The following NARS2 variants were observed in gnomAD, a reference collection of about 807,000 sequenced individuals.
NARS2 encodes the protein asparaginyl-tRNA synthetase 2, mitochondrial.
A neutral mutation model predicts 62.9 loss-of-function variants in NARS2; 60 were observed. The observed-to-expected ratio is 0.95, with a 90% CI of 0.77 to 1.18. The LOEUF is 1.18. NARS2 is among the 50% of genes most tolerant of loss of function. The pLI is 0.00. For missense variants in NARS2, 619 were observed against 576.4 expected (o/e 1.07, Z -0.76); for synonymous variants, 196 against 200.0 (o/e 0.98, Z 0.17).
intron 5 of NARS2, among the ~76,000 whole-genome samples, chr11:78,532,914 T>G (rs1229937277): frequency 6.6e-6 from 1 of 152,240 alleles, no homozygotes. Context: ...TCTTTGCTTC[T>G]ACTTATATAA....
At chr11:78,452,911 A>T (rs1474085697) in intron 11 of NARS2, among the ~76,000 whole-genome samples, 2 of 152,204 alleles carry the variant, frequency 1.3e-5, no homozygotes, top group East Asian at 3.8e-4. Flanking sequence ...GGAAGGTAGG[A>T]CCAGAAGATA....
chr11:78,511,378 C>A (rs10899537), intron 6 of NARS2, among the ~76,000 whole-genome samples: 27 of 152,140 alleles, frequency 1.8e-4, no homozygotes, highest in African/African-American at 6.5e-4. Flanking sequence ...GTCACCCAGC[C>A]TAATTCTATA....
chr11:78,544,338 T>C lies in NARS2; in HGVS notation c.594+15201A>G, dbSNP rs112067311. ...GGTTGTCATAACTGGGGAGAGCTACTGAAATTTAGTGGGTACTACCCCAAG... is the reference window on the plus strand; with the variant it reads ...GGTTGTCATAACTGGGGAGAGCTACCGAAATTTAGTGGGTACTACCCCAAG... On this transcript the variant is annotated intron_variant, in intron 5 of 13. Transcript: ENST00000281038. 2.4e-3 allele frequency among the ~76,000 whole-genome samples: 364 copies of C among 152,344 alleles called. 1 individual carries two copies. The highest frequency in any genetic ancestry group is 8.1e-3 in the African/African-American group (336 of 41,584).
chr11:78,531,418 G>C (rs1215341366), intron 5 of NARS2, among the ~76,000 whole-genome samples: 2 of 152,092 alleles, frequency 1.3e-5, no homozygotes, highest in Non-Finnish European at 2.9e-5. Flanking sequence ...TGTACAATAA[G>C]GGGTTGCGGT....
At chr11:78,436,958 C>T (rs1857429547) in intron 13 of NARS2, 144 bp from the exon 14 acceptor site, 1 of 767,824 alleles carries the variant, frequency 1.3e-6, no homozygotes, top group Admixed American at 2.8e-5. Context: ...CCTCCACAGA[C>T]AGACAATGGA....
intron 5 of NARS2, among the ~76,000 whole-genome samples, chr11:78,543,449 TTTC>T (rs1481994326): frequency 6.6e-6 from 1 of 152,186 alleles, no homozygotes; most frequent in African/African-American, 2.4e-5. Flanking sequence ...AAGCTGACAT[TTTC>T]TTTTCATTTA....
Position 78,450,666 on chromosome 11 carries a change from C to CTTT in NARS2, c.1165-6911_1165-6909dup, listed in dbSNP as rs781420225. Among the ~76,000 whole-genome samples, 651 of 101,548 alleles carry CTTT rather than the reference C, an allele frequency of 6.4e-3. 31 individuals carry two copies. The highest frequency in any genetic ancestry group is 0.024 in the African/African-American group (609 of 25,830). The allele number at this position is 101,548 out of a possible 152,430, so 66.6% of individuals were successfully genotyped here. ...GAAGAAAAGCCCACAAAAGCCTTGT[C>CTTT]TTTTTTTTTTTTTTTTTTTTTTTCC... On this transcript the variant is annotated intron_variant, in intron 11 of 13. Transcript: ENST00000281038.
intron 5 of NARS2, among the ~76,000 whole-genome samples, chr11:78,551,729 T>TACA (rs1272434407): frequency 1.3e-5 from 2 of 152,096 alleles, no homozygotes; most frequent in Non-Finnish European, 2.9e-5. Context: ...CAGGCGCCTG[T>TACA]AATCCCAGCT....
intron 6 of NARS2, among the ~76,000 whole-genome samples, chr11:78,524,696 A>G (rs1861236649): frequency 6.6e-6 from 1 of 152,146 alleles, no homozygotes; most frequent in Non-Finnish European, 1.5e-5. Context: ...TAAAAAAAAA[A>G]ACTCTGTCTA....
chr11:78,505,325 T>C (rs111318424), intron 6 of NARS2, among the ~76,000 whole-genome samples: 242 of 127,086 alleles, frequency 1.9e-3, no homozygotes, highest in African/African-American at 5.4e-3. Flanking sequence ...CACACACACA[T>C]ACGTATGTAT....
At chr11:78,574,265 C>A in intron 1 of NARS2, 83 bp downstream of exon 1, 1 of 1,570,898 alleles carries the variant, frequency 6.4e-7, no homozygotes, top group South Asian at 1.1e-5. Flanking sequence ...GTGTCTGACC[C>A]GACTGTAAAA....
intron 9 of NARS2, among the ~76,000 whole-genome samples, chr11:78,470,105 C>A (rs1033559808): frequency 2.0e-5 from 3 of 152,008 alleles, no homozygotes; most frequent in Admixed American, 6.6e-5. Flanking sequence ...GAAGAATGCA[C>A]AGGAAATTAC....
intron 9 of NARS2, 82 bp downstream of exon 9, chr11:78,478,356 G>C (rs376725805): frequency 1.9e-5 from 10 of 537,336 alleles, no homozygotes; most frequent in Non-Finnish European, 2.9e-5. Flanking sequence ...TATATAAGCA[G>C]ATATAAATTT....
chr11:78,469,701 C>A (rs1858783369), intron 9 of NARS2, among the ~76,000 whole-genome samples: 1 of 152,112 alleles, frequency 6.6e-6, no homozygotes, highest in African/African-American at 2.4e-5. Context: ...CAATTCTAGG[C>A]ACTGGAGATA....
At chr11:78,560,398 A>T (rs1455338143) in intron 4 of NARS2, among the ~76,000 whole-genome samples, 2 of 152,226 alleles carry the variant, frequency 1.3e-5, no homozygotes, top group East Asian at 3.8e-4. Flanking sequence ...AGCAACTTCA[A>T]GGTTATGCTT....
chr11:78,467,567 A>AAATTAATT (rs1190417130), intron 10 of NARS2, among the ~76,000 whole-genome samples: 1 of 133,508 alleles, frequency 7.5e-6, no homozygotes, highest in Non-Finnish European at 1.7e-5. Flanking sequence ...ATAAATAAAT[A>AAATTAATT]AATTAATTAA....
intron 7 of NARS2, 50 bp downstream of exon 7, chr11:78,493,013 A>G: frequency 1.4e-6 from 2 of 1,456,066 alleles, no homozygotes; most frequent in Non-Finnish European, 1.8e-6. Flanking sequence ...ATATATACAG[A>G]AACATTTTAA....
intron 5 of NARS2, among the ~76,000 whole-genome samples, chr11:78,532,476 G>C (rs904732165): frequency 2.0e-5 from 3 of 152,092 alleles, no homozygotes; most frequent in Non-Finnish European, 2.9e-5. Flanking sequence ...AAGATATACA[G>C]AAATGAAGAC....
At chr11:78,497,431 T>C (rs1387836262) in intron 6 of NARS2, among the ~76,000 whole-genome samples, 1 of 152,054 alleles carries the variant, frequency 6.6e-6, no homozygotes, top group African/African-American at 2.4e-5. Context: ...TGCTATTCTT[T>C]AGTTTGGGAA....
Sources: gnomAD v4.1 joint callset for allele counts (sites outside exome capture counted in the v4.1 genomes callset) on GRCh38, gnomAD v4.1.1 for gene constraint, MANE v1.5 for transcripts, NCBI Gene and HGNC (gene_info 2026-07-23, HGNC 2026-07-21) for gene names.